The following NBAS variants were observed in gnomAD, a reference collection of about 807,000 sequenced individuals.
NBAS encodes the protein NAG/BC035112 fusion.
In NBAS, 219 loss-of-function variants were observed where a neutral mutation model predicts 302.5. The ratio of observed to expected loss-of-function variants is 0.72; its 90% CI spans 0.65 to 0.81. NBAS has a LOEUF of 0.81. Ranked by LOEUF, NBAS falls within the 30% of genes least tolerant of loss-of-function variation. The pLI is 0.00. For synonymous variants in NBAS, 1,118 were observed against 1,021.6 expected, an observed-to-expected ratio of 1.09 and a Z score of -1.80; for missense variants, 2,932 against 2,841.6, an observed-to-expected ratio of 1.03 and a Z score of -0.72.
chr2:14,935,223 T>G, the NBAS span, among the ~76,000 whole-genome samples: 1 of 152,210 alleles, frequency 6.6e-6, no homozygotes, highest in African/African-American at 2.4e-5. Flanking sequence ...TCATGTTTTC[T>G]TCCTCTGTTT....
At chr2:15,462,864 G>A (rs1004569907) in intron 19 of NBAS, among the ~76,000 whole-genome samples, 1 of 152,184 alleles carries the variant, frequency 6.6e-6, no homozygotes, top group Non-Finnish European at 1.5e-5. Flanking sequence ...TTATTTAAAG[G>A]ATGAACAAGG....
At chr2:15,124,276 G>C in the NBAS span, among the ~76,000 whole-genome samples, 3 of 152,190 alleles carry the variant, frequency 2.0e-5, no homozygotes, top group Non-Finnish European at 2.9e-5. Flanking sequence ...ATGGATGCTG[G>C]CAAGGCTTAT....
chr2:14,992,761 T>A, the NBAS span, among the ~76,000 whole-genome samples: 1 of 152,154 alleles, frequency 6.6e-6, no homozygotes, highest in East Asian at 1.9e-4. Context: ...CTTTCAGGTG[T>A]GCAATTTGCA....
At chr2:14,798,446 A>G in the NBAS span, among the ~76,000 whole-genome samples, 38 of 152,130 alleles carry the variant, frequency 2.5e-4, no homozygotes, top group Non-Finnish European at 1.5e-5. Context: ...TTCATGATGT[A>G]ATTTTTAAAA....
At chr2:15,142,895 C>T in the NBAS span, among the ~76,000 whole-genome samples, 4 of 152,202 alleles carry the variant, frequency 2.6e-5, no homozygotes, top group African/African-American at 7.2e-5. Context: ...AACATCCCTC[C>T]GTTTTGCTAA....
the NBAS span, among the ~76,000 whole-genome samples, chr2:15,153,447 G>A: frequency 1.3e-5 from 2 of 152,192 alleles, no homozygotes; most frequent in African/African-American, 4.8e-5. Context: ...CATGGAGGCA[G>A]ATTTTGTCTC....
the NBAS span, among the ~76,000 whole-genome samples, chr2:14,980,616 T>C: frequency 3.6e-3 from 550 of 152,162 alleles, 2 homozygotes; most frequent in African/African-American, 0.013. Context: ...GAGGTCCTGA[T>C]TGGGCCTTTA....
chr2:15,330,728 A>G lies in NBAS; in HGVS notation c.4217T>C (p.Leu1406Pro), dbSNP rs773258980. The G allele has an allele frequency of 6.2e-7, 1 of 1,614,068 alleles. No homozygotes were observed. The highest frequency in any genetic ancestry group is 8.5e-7 in the Non-Finnish European group (1 of 1,179,956). The change falls in exon 36 of 52, where the codon CTA becomes CCA. Residue 1406 changes from leucine to proline, a missense_variant. Coordinates refer to ENST00000281513, the MANE Select transcript of NBAS (RefSeq NM_015909.4). ...VGVPGSNSAD[L>P]LRWTTATTMK... ...GGTGGTAGCAGTGGTCCAGCGCAAT[A>G]GGTCAGCTGAATTGCTACCTGGAAC...
chr2:15,278,102 C>T (rs1669668414), intron 42 of NBAS, among the ~76,000 whole-genome samples: 1 of 152,092 alleles, frequency 6.6e-6, no homozygotes, highest in Non-Finnish European at 1.5e-5. Context: ...AACATGACAA[C>T]TTGTTTACTG....
the NBAS span, among the ~76,000 whole-genome samples, chr2:15,052,389 C>A: frequency 6.6e-6 from 1 of 152,160 alleles, no homozygotes; most frequent in Non-Finnish European, 1.5e-5. Flanking sequence ...AAGGAATCAG[C>A]TCCCCACTCA....
At chr2:14,801,798 A>C in the NBAS span, among the ~76,000 whole-genome samples, 4 of 152,318 alleles carry the variant, frequency 2.6e-5, no homozygotes, top group Non-Finnish European at 5.9e-5. Context: ...ATTTAAAAAC[A>C]ATTTGACTGC....
chr2:14,963,467 G>T, the NBAS span, among the ~76,000 whole-genome samples: 1 of 152,140 alleles, frequency 6.6e-6, no homozygotes, highest in African/African-American at 2.4e-5. Flanking sequence ...AACCCTTGGT[G>T]TAACACATAC....
the NBAS span, among the ~76,000 whole-genome samples, chr2:15,049,103 G>A: frequency 3.4e-5 from 5 of 147,100 alleles, no homozygotes; most frequent in Non-Finnish European, 6.0e-5. Flanking sequence ...TGAACTGCTC[G>A]CTGCCGCTGA....
At chr2:14,929,102 T>A in the NBAS span, among the ~76,000 whole-genome samples, 15 of 152,078 alleles carry the variant, frequency 9.9e-5, no homozygotes, top group African/African-American at 3.4e-4. Flanking sequence ...TACTTCAGAA[T>A]CAAAGAGAAG....
chr2:15,422,246 T>C (rs1005121357), intron 23 of NBAS, among the ~76,000 whole-genome samples: 10 of 152,222 alleles, frequency 6.6e-5, no homozygotes, highest in African/African-American at 2.4e-4. Flanking sequence ...TCAGATTAGC[T>C]TCTTTCACTA....
At chr2:14,904,100 C>G in the NBAS span, among the ~76,000 whole-genome samples, 1 of 152,220 alleles carries the variant, frequency 6.6e-6, no homozygotes, top group East Asian at 1.9e-4. Context: ...TCTTTTCCAT[C>G]TAGACCACCA....
At chr2:15,221,462 T>G (rs796536249) in intron 47 of NBAS, among the ~76,000 whole-genome samples, 1 of 152,164 alleles carries the variant, frequency 6.6e-6, no homozygotes, top group Non-Finnish European at 1.5e-5. Flanking sequence ...CAAAGCACTA[T>G]AGTTTGTGCT....
the NBAS span, among the ~76,000 whole-genome samples, chr2:15,125,756 T>C: frequency 6.6e-6 from 1 of 152,222 alleles, no homozygotes; most frequent in East Asian, 1.9e-4. Flanking sequence ...CCAATGCCTG[T>C]ACCACCATTG....
chr2:14,862,839 G>A, the NBAS span, among the ~76,000 whole-genome samples: 6 of 152,204 alleles, frequency 3.9e-5, no homozygotes, highest in African/African-American at 1.2e-4. Context: ...CTTGGTGGTC[G>A]GGCAGCCTCC....
Sources: allele counts gnomAD v4.1 joint callset (sites outside exome capture counted in the v4.1 genomes callset), GRCh38; gene constraint gnomAD v4.1.1; transcripts MANE v1.5; gene names NCBI Gene and HGNC (gene_info 2026-07-23, HGNC 2026-07-21).